KLF7: variants seen among roughly 807,000 people sequenced by gnomAD.
KLF7 encodes the protein KLF transcription factor 7.
Under a neutral mutation model 27.3 loss-of-function variants are expected in KLF7, and 2 were observed. The ratio of observed to expected loss-of-function variants is 0.07; its 90% CI spans 0.03 to 0.23. The LOEUF is 0.23. KLF7 is among the 10% of genes least tolerant of loss of function. The probability of loss-of-function intolerance (pLI) is 1.00; values close to 1 mark genes in which losing one functional copy is unlikely to be tolerated. For synonymous variants in KLF7, 165 were observed against 162.4 expected, an observed-to-expected ratio of 1.02 and a Z score of -0.12; for missense variants, 221 against 394.1, an observed-to-expected ratio of 0.56 and a Z score of 3.72.
At chr2:207,100,654 G>A (rs2076744955) in intron 2 of KLF7, among the ~76,000 whole-genome samples, 1 of 152,120 alleles carries the variant, frequency 6.6e-6, no homozygotes, top group African/African-American at 2.4e-5. Flanking sequence ...CTCAGAATGT[G>A]CCTATTCTCC....
chr2:207,101,487 C>T (rs2076764275), intron 2 of KLF7, among the ~76,000 whole-genome samples: 1 of 152,122 alleles, frequency 6.6e-6, no homozygotes, highest in African/African-American at 2.4e-5. Context: ...GAAGTATTTC[C>T]TGGAGAAGGA....
intron 2 of KLF7, among the ~76,000 whole-genome samples, chr2:207,108,910 T>C (rs1251438277): frequency 6.6e-6 from 1 of 152,200 alleles, no homozygotes; most frequent in African/African-American, 2.4e-5. Flanking sequence ...CTAGCAAAGC[T>C]CTGGTGTAAC....
chr2:207,153,157 T>C (rs969143308), intron 1 of KLF7, among the ~76,000 whole-genome samples: 13 of 151,882 alleles, frequency 8.6e-5, no homozygotes, highest in African/African-American at 3.1e-4. Context: ...AGTGCTAGGA[T>C]TATGTTACAC....
chr2:207,093,762 G>A (rs1335073089), intron 2 of KLF7, among the ~76,000 whole-genome samples: 1 of 152,186 alleles, frequency 6.6e-6, no homozygotes, highest in Non-Finnish European at 1.5e-5. Context: ...ACAAAAACCT[G>A]AATACACCTA....
At chr2:207,086,219 C>T (rs2076386966) in intron 3 of KLF7, among the ~76,000 whole-genome samples, 1 of 152,104 alleles carries the variant, frequency 6.6e-6, no homozygotes, top group Non-Finnish European at 1.5e-5. Context: ...GCTACAGATG[C>T]CCTCTGTTTC....
In KLF7 at chr2:207,157,464, G is replaced by A. The variant is rs189450427; in HGVS notation, c.102+8003C>T. On this transcript the variant is annotated intron_variant, in intron 1 of 3. Transcript: ENST00000309446. ...AAAGGAAACAACAAAAATAAAGACA[G>A]AAGCAGGAAAAGCATAGTCACTTAA... Among the ~76,000 whole-genome samples, 3 of 152,272 alleles carry A rather than the reference G, an allele frequency of 2.0e-5. No individual in the cohort carries two copies. In the East Asian group the frequency reaches 5.8e-4, roughly 29 times the overall value.
At chr2:207,104,766 T>A (rs577545808) in intron 2 of KLF7, among the ~76,000 whole-genome samples, 1 of 152,324 alleles carries the variant, frequency 6.6e-6, no homozygotes, top group East Asian at 1.9e-4. Context: ...GCCTTTCATA[T>A]AAGCAGCAAC....
At chr2:207,168,973 C>T (rs1353146110), upstream of KLF7, among the ~76,000 whole-genome samples, 1 of 152,096 alleles carries the variant, frequency 6.6e-6, no homozygotes, top group Non-Finnish European at 1.5e-5. Context: ...TTCTTTGTAC[C>T]TAGCATTTTA....
In KLF7 at chr2:207,081,146, C is replaced by G; in HGVS notation, c.*67G>C. On this transcript the variant is annotated 3_prime_UTR_variant, in exon 4 of 4. Transcript: ENST00000309446. The stretch of plus-strand genomic sequence containing the variant: ...CAATGGGTCCCCGCCTGAAGTCCAG[C>G]CCCCTGCCTCATGGCGTTTCCTTTA... 1 of 1,448,612 alleles carries G rather than the reference C, an allele frequency of 6.9e-7. No individual in the cohort carries two copies. Among genetic ancestry groups the G allele is most frequent in the Non-Finnish European group, 9.7e-7 (1 of 1,029,620 alleles). 89.7% of individuals were successfully genotyped at this position (1,448,612 alleles called of 1,614,324 possible).
chr2:207,127,666 A>G (rs1035085663), intron 1 of KLF7, among the ~76,000 whole-genome samples: 1 of 151,904 alleles, frequency 6.6e-6, no homozygotes, highest in Non-Finnish European at 1.5e-5. Context: ...ATATGATGAA[A>G]CCCCATCTCT....
intron 2 of KLF7, among the ~76,000 whole-genome samples, chr2:207,118,273 A>G (rs1448570964): frequency 6.6e-6 from 1 of 152,206 alleles, no homozygotes; most frequent in East Asian, 1.9e-4. Flanking sequence ...CTAACATTAA[A>G]AAAAGTGAAA....
chr2:207,084,461 C>A (rs2076342701), intron 3 of KLF7, among the ~76,000 whole-genome samples: 1 of 152,014 alleles, frequency 6.6e-6, no homozygotes, highest in South Asian at 2.1e-4. Context: ...AAAAAGTAAA[C>A]CAAACCTTTA....
At chr2:207,134,297 G>A (rs2284933) in intron 1 of KLF7, among the ~76,000 whole-genome samples, 2 of 150,992 alleles carry the variant, frequency 1.3e-5, no homozygotes. Context: ...ATTACTTCTT[G>A]TACTCCAAAG....
At chr2:207,127,768 A>T (rs946178070) in intron 1 of KLF7, among the ~76,000 whole-genome samples, 6 of 152,032 alleles carry the variant, frequency 3.9e-5, no homozygotes, top group South Asian at 2.1e-4. Context: ...ACTTGAACCC[A>T]GGAGGTGGAG....
chr2:207,094,748 G>A (rs1184287179), intron 2 of KLF7, among the ~76,000 whole-genome samples: 2 of 152,024 alleles, frequency 1.3e-5, no homozygotes, highest in East Asian at 1.9e-4. Context: ...TATCTGCTTT[G>A]GAAAATTGTC....
At chr2:207,138,889 G>C (rs2077861874) in intron 1 of KLF7, among the ~76,000 whole-genome samples, 1 of 152,214 alleles carries the variant, frequency 6.6e-6, no homozygotes, top group Non-Finnish European at 1.5e-5. Context: ...GTCTGTGTCT[G>C]CGATTGCCAC....
At chr2:207,163,494 C>T (rs924555182) in intron 1 of KLF7, among the ~76,000 whole-genome samples, 7 of 152,140 alleles carry the variant, frequency 4.6e-5, no homozygotes, top group South Asian at 2.1e-4. Context: ...GTTGTCAAAC[C>T]GATGATGTTT....
intron 3 of KLF7, among the ~76,000 whole-genome samples, chr2:207,081,775 C>T (rs998536853): frequency 1.3e-5 from 2 of 150,590 alleles, no homozygotes; most frequent in African/African-American, 4.9e-5. Context: ...GATTTCAACC[C>T]TAAACTTTAC....
At chr2:207,139,317 T>C (rs2077874631) in intron 1 of KLF7, among the ~76,000 whole-genome samples, 1 of 152,204 alleles carries the variant, frequency 6.6e-6, no homozygotes, top group East Asian at 1.9e-4. Context: ...CTGGTAATCT[T>C]GTAACCTTGG....
Sources: gnomAD v4.1 joint callset for allele counts (sites outside exome capture counted in the v4.1 genomes callset) on GRCh38, gnomAD v4.1.1 for gene constraint, MANE v1.5 for transcripts, NCBI Gene and HGNC (gene_info 2026-07-23, HGNC 2026-07-21) for gene names.